The following CDH12 variants were observed in gnomAD, a reference collection of about 807,000 sequenced individuals.
The protein encoded by CDH12 is cadherin-12.
Under a neutral mutation model 74.1 loss-of-function variants are expected in CDH12, and 41 were observed. The observed-to-expected ratio is 0.55, with a 90% CI of 0.43 to 0.72. The LOEUF (loss-of-function observed/expected upper bound fraction) is 0.72. Ranked by LOEUF, CDH12 falls within the 30% of genes least tolerant of loss-of-function variation. The probability of loss-of-function intolerance (pLI) is 0.00; values close to 1 mark genes in which losing one functional copy is unlikely to be tolerated. For synonymous variants in CDH12, 399 were observed against 355.0 expected, an observed-to-expected ratio of 1.12 and a Z score of -1.39; for missense variants, 945 against 977.2, an observed-to-expected ratio of 0.97 and a Z score of 0.44.
At chr5:22,453,564 G>A (rs1054635567) in intron 2 of CDH12, among the ~76,000 whole-genome samples, 5 of 152,090 alleles carry the variant, frequency 3.3e-5, no homozygotes, top group African/African-American at 7.2e-5. Flanking sequence ...TTAAATAGTG[G>A]TTACCAGAGG....
intron 5 of CDH12, among the ~76,000 whole-genome samples, chr5:22,028,482 GC>G (rs1182354062): frequency 1.3e-5 from 2 of 152,152 alleles, no homozygotes; most frequent in African/African-American, 4.8e-5. Context: ...CAAACAGAGA[GC>G]CAAATCGTGA....
At chr5:22,308,189 T>G (rs1738212228) in intron 3 of CDH12, among the ~76,000 whole-genome samples, 1 of 152,074 alleles carries the variant, frequency 6.6e-6, no homozygotes, top group Non-Finnish European at 1.5e-5. Context: ...CCTAGATTCT[T>G]TTTAAGTCAT....
intron 6 of CDH12, among the ~76,000 whole-genome samples, chr5:21,877,244 T>A (rs1479171682): frequency 6.6e-6 from 1 of 152,006 alleles, no homozygotes; most frequent in African/African-American, 2.4e-5. Flanking sequence ...GTGTTCTTTT[T>A]CATTCAGGTA....
chr5:22,604,334 T>A (rs908667018), intron 1 of CDH12, among the ~76,000 whole-genome samples: 6 of 152,198 alleles, frequency 3.9e-5, no homozygotes, highest in African/African-American at 1.4e-4. Flanking sequence ...ATGTTCATGA[T>A]CACAAAGCTG....
intron 2 of CDH12, among the ~76,000 whole-genome samples, chr5:22,448,208 A>G (rs1032020556): frequency 6.6e-6 from 1 of 151,746 alleles, no homozygotes; most frequent in African/African-American, 2.4e-5. Context: ...AGAATAAGAA[A>G]TTAAGCATTA....
rs192303723 is a variant in CDH12 at position 22,289,521 on chromosome 5, C to T, written c.-332-76878G>A. ...TCTTTGGACAATACTAGAATAAAAC[C>T]AGGAATCTTCAGCAATAGTCCTTCC... On this transcript the variant is annotated intron_variant, in intron 3 of 14. Coordinates refer to ENST00000382254, the MANE Select transcript of CDH12 (RefSeq NM_004061.5). Among the ~76,000 whole-genome samples, 5 of 152,180 alleles carry T rather than the reference C, an allele frequency of 3.3e-5. No homozygotes were observed. The East Asian group carries it at 9.7e-4, about 29-fold the overall frequency.
At chr5:22,021,891 G>A (rs933085564) in intron 5 of CDH12, among the ~76,000 whole-genome samples, 5 of 152,140 alleles carry the variant, frequency 3.3e-5, no homozygotes, top group African/African-American at 1.2e-4. Context: ...ACGCTGAAGC[G>A]CAGTGGCACA....
At chr5:22,722,574 T>C (rs916825190) in intron 1 of CDH12, among the ~76,000 whole-genome samples, 2 of 152,156 alleles carry the variant, frequency 1.3e-5, no homozygotes, top group African/African-American at 4.8e-5. Flanking sequence ...CTACAATTGA[T>C]TTAAATACTC....
chr5:22,283,087 T>C (rs1384686755), intron 3 of CDH12, among the ~76,000 whole-genome samples: 3 of 151,856 alleles, frequency 2.0e-5, no homozygotes. Flanking sequence ...TTCATTTCCT[T>C]TGCAGGGACA....
intron 1 of CDH12, among the ~76,000 whole-genome samples, chr5:22,828,310 A>C (rs184878067): frequency 6.6e-6 from 1 of 152,240 alleles, no homozygotes. Flanking sequence ...ATATTGGGGA[A>C]ATATATTTTT....
intron 4 of CDH12, among the ~76,000 whole-genome samples, chr5:22,197,176 G>A (rs192375227): frequency 3.0e-4 from 45 of 152,246 alleles, no homozygotes; most frequent in Non-Finnish European, 5.0e-4. Flanking sequence ...CGGGTGCAGC[G>A]GCTCATGCCT....
intron 13 of CDH12, among the ~76,000 whole-genome samples, chr5:21,757,318 G>A (rs776523692): frequency 6.6e-6 from 1 of 152,104 alleles, no homozygotes; most frequent in East Asian, 1.9e-4. Context: ...TGGGACTACA[G>A]GTGCCTGCCA....
chr5:22,187,774 T>C (rs139807040), intron 4 of CDH12, among the ~76,000 whole-genome samples: 3 of 152,122 alleles, frequency 2.0e-5, no homozygotes, highest in Non-Finnish European at 2.9e-5. Context: ...TTATCACTTA[T>C]GAGTTCATGT....
chr5:22,721,053 A>G (rs900580888), intron 1 of CDH12, among the ~76,000 whole-genome samples: 3 of 152,222 alleles, frequency 2.0e-5, no homozygotes, highest in African/African-American at 7.2e-5. Flanking sequence ...AGCCAAGACA[A>G]TGGGGAAAAT....
chr5:22,815,463 G>C (rs1283871774), intron 1 of CDH12, among the ~76,000 whole-genome samples: 1 of 151,974 alleles, frequency 6.6e-6, no homozygotes, highest in African/African-American at 2.4e-5. Context: ...TGGAAATGGA[G>C]AGATCTATAG....
At chr5:22,580,003 TC>T (rs980303190) in intron 1 of CDH12, among the ~76,000 whole-genome samples, 1 of 152,104 alleles carries the variant, frequency 6.6e-6, no homozygotes, top group East Asian at 1.9e-4. Context: ...GCTACTTTTT[TC>T]CCCGCTCACA....
At chr5:22,478,693 A>AG (rs1297987827) in intron 2 of CDH12, among the ~76,000 whole-genome samples, 1 of 151,650 alleles carries the variant, frequency 6.6e-6, no homozygotes, top group Admixed American at 6.6e-5. Context: ...TGAATTGATG[A>AG]GGGGAAAAAA....
At chr5:22,056,134 C>T (rs866713086) in intron 5 of CDH12, among the ~76,000 whole-genome samples, 16 of 151,998 alleles carry the variant, frequency 1.1e-4, no homozygotes, top group Middle Eastern at 3.4e-3. Flanking sequence ...TTTAAACCAA[C>T]CAAGGAAAAG....
chr5:22,349,408 A>T (rs1179023283), intron 3 of CDH12, among the ~76,000 whole-genome samples: 1 of 152,096 alleles, frequency 6.6e-6, no homozygotes, highest in Admixed American at 6.5e-5. Context: ...CTCTTTCTCC[A>T]TTCTTATATG....
Sources: gnomAD v4.1 joint callset for allele counts (sites outside exome capture counted in the v4.1 genomes callset) on GRCh38, gnomAD v4.1.1 for gene constraint, MANE v1.5 for transcripts, NCBI Gene and HGNC (gene_info 2026-07-23, HGNC 2026-07-21) for gene names.